Variants in PRORP observed in about 807,000 individuals in gnomAD.
PRORP encodes the protein protein only RNase P catalytic subunit.
Under a neutral mutation model 59.4 loss-of-function variants are expected in PRORP, and 51 were observed. The observed-to-expected ratio is 0.86, with a 90% CI of 0.69 to 1.08. The LOEUF is 1.08. PRORP is among the 50% of genes least tolerant of loss of function. The pLI is 0.00. For missense variants in PRORP, 646 were observed against 690.3 expected (o/e 0.94, Z 0.72); for synonymous variants, 231 against 245.6 (o/e 0.94, Z 0.55).
At chr14:35,273,214 G>A (rs1486098814) in intron 7 of PRORP, among the ~76,000 whole-genome samples, 1 of 152,188 alleles carries the variant, frequency 6.6e-6, no homozygotes, top group Non-Finnish European at 1.5e-5. Flanking sequence ...TGCTTCTACA[G>A]AGAGTCTTTA....
Position 35,277,089 on chromosome 14 carries a change from G to A in PRORP, c.*3523G>A, listed in dbSNP as rs2051305349. 1 of 151,584 alleles carries A rather than the reference G, an allele frequency of 6.6e-6. No individual in the cohort carries two copies. Among genetic ancestry groups the A allele is most frequent in the South Asian group, 2.1e-4 (1 of 4,808 alleles). The allele number at this position is 151,584 out of a possible 1,614,324, so 9.4% of individuals were successfully genotyped here. On this transcript the variant is annotated 3_prime_UTR_variant, in exon 8 of 8. Coordinates refer to ENST00000534898, the MANE Select transcript of PRORP (RefSeq NM_014672.4). ...CATCTAGGCTGGAGTGCAATGGTTTGATCTCAGTTCACTGCAACCTCTGCC... is the reference window on the plus strand; with the variant it reads ...CATCTAGGCTGGAGTGCAATGGTTTAATCTCAGTTCACTGCAACCTCTGCC...
chr14:35,215,045 GGTTA>G (rs536247990), intron 5 of PRORP, among the ~76,000 whole-genome samples: 51 of 151,950 alleles, frequency 3.4e-4, no homozygotes, highest in African/African-American at 1.1e-3. Flanking sequence ...AATAAGCTCT[GGTTA>G]GGATTTGATG....
At chr14:35,210,818 A>G (rs2049423354) in intron 5 of PRORP, among the ~76,000 whole-genome samples, 1 of 123,626 alleles carries the variant, frequency 8.1e-6, no homozygotes, top group Non-Finnish European at 1.6e-5. Context: ...AGGCTGGAGT[A>G]CAGTAGCATG....
chr14:35,224,632 G>A (rs1005998926), intron 5 of PRORP, among the ~76,000 whole-genome samples: 4 of 152,136 alleles, frequency 2.6e-5, no homozygotes, highest in African/African-American at 4.8e-5. Flanking sequence ...TTCCAATAGA[G>A]AATAATGATA....
chr14:35,176,799 A>AG (rs1294172058), intron 4 of PRORP, among the ~76,000 whole-genome samples: 1 of 152,156 alleles, frequency 6.6e-6, no homozygotes, highest in Admixed American at 6.5e-5. Flanking sequence ...GTGGTGAGAG[A>AG]GGGCATCCCT....
intron 5 of PRORP, among the ~76,000 whole-genome samples, chr14:35,203,391 G>A (rs1306999160): frequency 1.3e-5 from 2 of 152,144 alleles, no homozygotes; most frequent in African/African-American, 4.8e-5. Flanking sequence ...AGCCGGTGTG[G>A]TGGTGGGCTT....
chr14:35,229,608 T>C (rs2050021607), intron 5 of PRORP, among the ~76,000 whole-genome samples: 1 of 152,232 alleles, frequency 6.6e-6, no homozygotes, highest in African/African-American at 2.4e-5. Flanking sequence ...GCCTATAGTA[T>C]GCCAACCTTT....
At chr14:35,268,032 A>T (rs976056956) in intron 6 of PRORP, among the ~76,000 whole-genome samples, 26 of 152,112 alleles carry the variant, frequency 1.7e-4, no homozygotes, top group Admixed American at 3.9e-4. Context: ...CAAAGGAACC[A>T]TGGTAAACAT....
intron 4 of PRORP, among the ~76,000 whole-genome samples, chr14:35,145,160 G>A (rs2047574379): frequency 7.0e-6 from 1 of 143,872 alleles, no homozygotes; most frequent in African/African-American, 2.5e-5. Context: ...TTGTAGAGAT[G>A]GGGGATCTCA....
chr14:35,224,273 A>G (rs1180892713), intron 5 of PRORP, among the ~76,000 whole-genome samples: 1 of 152,240 alleles, frequency 6.6e-6, no homozygotes, highest in African/African-American at 2.4e-5. Context: ...CTATCATAGG[A>G]GCCAAAATTT....
chr14:35,160,591 C>T (rs888622984), intron 4 of PRORP, among the ~76,000 whole-genome samples: 4 of 152,060 alleles, frequency 2.6e-5, no homozygotes, highest in African/African-American at 9.7e-5. Flanking sequence ...TCTGTGGGAA[C>T]ATTGAAAACT....
At chr14:35,197,407 T>C (rs1203401795) in intron 5 of PRORP, among the ~76,000 whole-genome samples, 1 of 152,248 alleles carries the variant, frequency 6.6e-6, no homozygotes, top group Non-Finnish European at 1.5e-5. Context: ...TTAAACTGTT[T>C]ATAAAGCTAT....
chr14:35,122,067 C>T (rs547473454), upstream of PRORP: 49 of 1,182,510 alleles, frequency 4.1e-5, no homozygotes, highest in South Asian at 5.6e-4. Context: ...GGAAGGCCGT[C>T]CAACCACCAT....
At chr14:35,173,068 A>G (rs11848506) in intron 4 of PRORP, among the ~76,000 whole-genome samples, 9,006 of 151,738 alleles carry the variant, frequency 0.059, 483 homozygotes, top group Admixed American at 0.18. Context: ...AGGTTTCACC[A>G]TGTTGGCCGG....
At chr14:35,136,647 T>G (rs1336679668) in intron 4 of PRORP, among the ~76,000 whole-genome samples, 1 of 145,460 alleles carries the variant, frequency 6.9e-6, no homozygotes, top group Admixed American at 7.2e-5. Flanking sequence ...AGTGCTGGGA[T>G]TACAGGTGTG....
intron 5 of PRORP, among the ~76,000 whole-genome samples, chr14:35,256,551 C>T (rs546864576): frequency 3.3e-5 from 5 of 151,830 alleles, no homozygotes; most frequent in South Asian, 2.1e-4. Flanking sequence ...AGTCTGGTCT[C>T]GAACTCCTGA....
chr14:35,127,414 A>G (rs1433336120), intron 3 of PRORP, 65 bp from the exon 4 acceptor site: 2 of 1,245,292 alleles, frequency 1.6e-6, no homozygotes, highest in Non-Finnish European at 2.1e-6. Flanking sequence ...TCATTTCACA[A>G]ATTTTTTTCC....
intron 5 of PRORP, among the ~76,000 whole-genome samples, chr14:35,210,250 A>G (rs2049404115): frequency 6.6e-6 from 1 of 152,212 alleles, no homozygotes; most frequent in African/African-American, 2.4e-5. Flanking sequence ...ATTCCTACCT[A>G]TAAAGTGCAA....
rs1236314381 is a variant in PRORP at position 35,137,880 on chromosome 14, G to C, written c.1167+10269G>C. 1.4e-5 allele frequency among the ~76,000 whole-genome samples: 2 copies of C among 145,388 alleles called. 1 individual carries two copies. Among genetic ancestry groups the C allele is most frequent in the Non-Finnish European group, 3.1e-5 (2 of 65,422 alleles). On this transcript the variant is annotated intron_variant, in intron 4 of 7. Coordinates refer to ENST00000534898, the MANE Select transcript of PRORP (RefSeq NM_014672.4). Reference sequence around the variant, plus strand: ...AGAGCACTATATGAGAGGATTCCAGGGACTGGTTGTCTCTTCGTGCATGTA... The same window carrying C: ...AGAGCACTATATGAGAGGATTCCAGCGACTGGTTGTCTCTTCGTGCATGTA...
Sources: gnomAD v4.1 joint callset for allele counts (sites outside exome capture counted in the v4.1 genomes callset) on GRCh38, gnomAD v4.1.1 for gene constraint, MANE v1.5 for transcripts, NCBI Gene and HGNC (gene_info 2026-07-23, HGNC 2026-07-21) for gene names.